Variants in PCDH7 observed in about 807,000 individuals in gnomAD.
PCDH7 encodes protocadherin 7, also known as protocadherin-7.
PCDH7 carries 17 observed loss-of-function variants against 58.9 expected under a neutral mutation model. The ratio of observed to expected loss-of-function variants is 0.29; its 90% CI spans 0.20 to 0.43. The LOEUF (loss-of-function observed/expected upper bound fraction) is 0.43, where lower values mean the gene tolerates loss of function less well. Ranked by LOEUF, PCDH7 falls within the 20% of genes least tolerant of loss-of-function variation. PCDH7 has a pLI of 1.00. For missense variants in PCDH7, 1,274 were observed against 1,441.0 expected (o/e 0.88, Z 1.88); for synonymous variants, 664 against 616.4 (o/e 1.08, Z -1.14).
chr4:31,093,038 GTCTGCATCTATCCACCAATGAATAA>G, intron 3 of PCDH7, among the ~76,000 whole-genome samples: 1 of 152,142 alleles, frequency 6.6e-6, no homozygotes, highest in South Asian at 2.1e-4. Flanking sequence ...AAGAGTGTGC[GTCTGCATCTATCCACCAATGAATAA>G]TGTGCACAGA....
chr4:30,846,741 T>C (rs1368086608), intron 1 of PCDH7, among the ~76,000 whole-genome samples: 1 of 152,144 alleles, frequency 6.6e-6, no homozygotes. Flanking sequence ...AAATATGCAG[T>C]TACATTTTAT....
At chr4:30,739,409 G>C (rs969601022) in intron 1 of PCDH7, among the ~76,000 whole-genome samples, 1 of 148,300 alleles carries the variant, frequency 6.7e-6, no homozygotes, top group Non-Finnish European at 1.5e-5. Context: ...CTTGTTGAGG[G>C]AAATGGCAAT....
Position 31,139,137 on chromosome 4 carries a change from G to C in PCDH7, c.*8-3336G>C, listed in dbSNP as rs145052639. On this transcript the variant is annotated intron_variant, in intron 3 of 3. Coordinates refer to the PCDH7 transcript ENST00000509759. ...CTACAAGTAATGCTAAGCAAGAACA[G>C]GATTTGATGGATACCATTTTTTTAC... 1.2e-3 allele frequency among the ~76,000 whole-genome samples: 179 copies of C among 152,274 alleles called. 1 individual carries two copies. Among genetic ancestry groups the C allele is most frequent in the African/African-American group, 4.1e-3 (170 of 41,568 alleles).
chr4:30,779,670 C>T (rs137873483), intron 1 of PCDH7, among the ~76,000 whole-genome samples: 59 of 152,296 alleles, frequency 3.9e-4, no homozygotes, highest in African/African-American at 1.3e-3. Context: ...TGTCCTATCT[C>T]ACATTTACAA....
chr4:30,875,836 A>AT (rs1297931092), intron 1 of PCDH7, among the ~76,000 whole-genome samples: 7 of 152,248 alleles, frequency 4.6e-5, no homozygotes, highest in Middle Eastern at 6.8e-3. Context: ...GCAAAGATTT[A>AT]TTAAGAAGTC....
chr4:31,064,204 C>A (rs1428165011), intron 3 of PCDH7, among the ~76,000 whole-genome samples: 2 of 152,018 alleles, frequency 1.3e-5, no homozygotes, highest in East Asian at 3.9e-4. Flanking sequence ...TTATTGTTTT[C>A]TATTATTTCA....
Position 30,785,491 on chromosome 4 carries a change from G to T in PCDH7, c.70+60895G>T, listed in dbSNP as rs181975598. ...AAAGCTATTGCTAGAGAAACAAAAA[G>T]ATATTGTTTTTATTTCTAGAAGAAG... On this transcript the variant is annotated intron_variant, in intron 1 of 3. Transcript: ENST00000509759. Among the ~76,000 whole-genome samples, 80 of 152,038 alleles carry T rather than the reference G, an allele frequency of 5.3e-4. 1 individual carries two copies. The highest frequency in any genetic ancestry group is 4.0e-3 in the Admixed American group (61 of 15,256).
chr4:30,730,551 G>C (rs191207681), intron 1 of PCDH7, among the ~76,000 whole-genome samples: 1 of 152,102 alleles, frequency 6.6e-6, no homozygotes, highest in Non-Finnish European at 1.5e-5. Flanking sequence ...AGCTATTAAA[G>C]CTCCCAGGTA....
chr4:30,865,828 A>G (rs1477474916), intron 1 of PCDH7, among the ~76,000 whole-genome samples: 4 of 152,080 alleles, frequency 2.6e-5, no homozygotes, highest in Non-Finnish European at 4.4e-5. Flanking sequence ...AGTATGTTGT[A>G]TGAAAACCAT....
chr4:31,090,604 A>G (rs560477647), intron 3 of PCDH7, among the ~76,000 whole-genome samples: 1 of 152,220 alleles, frequency 6.6e-6, no homozygotes, highest in South Asian at 2.1e-4. Flanking sequence ...GTAAAAAGGT[A>G]ATTCAATCAC....
intron 1 of PCDH7, among the ~76,000 whole-genome samples, chr4:30,839,426 T>C (rs541412890): frequency 6.6e-6 from 1 of 152,252 alleles, no homozygotes; most frequent in East Asian, 1.9e-4. Context: ...TGGAATAGTG[T>C]CTGGCTCATG....
intron 2 of PCDH7, among the ~76,000 whole-genome samples, chr4:30,949,603 A>T (rs1578391999): frequency 6.6e-6 from 1 of 151,948 alleles, no homozygotes; most frequent in Non-Finnish European, 1.5e-5. Flanking sequence ...TGTTAAATTA[A>T]TTTTTTTTAT....
rs1295540987 is a variant in PCDH7 at position 31,083,051 on chromosome 4, T to C, written c.*8-59422T>C. ...TGAACCTGGGAGGTGGAGCTTGCAA[T>C]GAGCGGAGATTGCGCCACTGCACTC... On this transcript the variant is annotated intron_variant, in intron 3 of 3. Transcript: ENST00000509759. Among the ~76,000 whole-genome samples, 3 of 152,260 alleles carry C rather than the reference T, an allele frequency of 2.0e-5. No homozygotes were observed. In the East Asian group the frequency reaches 5.8e-4, roughly 29 times the overall value.
intron 2 of PCDH7, among the ~76,000 whole-genome samples, chr4:30,930,576 A>T (rs1439324911): frequency 1.3e-5 from 2 of 152,162 alleles, no homozygotes; most frequent in Admixed American, 1.3e-4. Context: ...GTTGAAAAGT[A>T]CTGAAATATA....
chr4:31,141,843 G>C (rs1371045999), intron 3 of PCDH7, among the ~76,000 whole-genome samples: 1 of 152,116 alleles, frequency 6.6e-6, no homozygotes, highest in Non-Finnish European at 1.5e-5. Flanking sequence ...ATGTGGGCTA[G>C]GGTGGGCAGG....
chr4:31,132,086 ACTTT>A (rs1223378403), intron 3 of PCDH7, among the ~76,000 whole-genome samples: 11 of 152,144 alleles, frequency 7.2e-5, no homozygotes, highest in Non-Finnish European at 1.6e-4. Flanking sequence ...CTGTAGTGAT[ACTTT>A]CTTTCTTAAG....
At chr4:30,932,953 A>G (rs1296900150) in intron 2 of PCDH7, among the ~76,000 whole-genome samples, 3 of 152,218 alleles carry the variant, frequency 2.0e-5, no homozygotes, top group Non-Finnish European at 4.4e-5. Flanking sequence ...AGGAGAGCCA[A>G]GGAAAATCAG....
chr4:30,937,786 A>G (rs183179851), intron 2 of PCDH7, among the ~76,000 whole-genome samples: 1 of 152,044 alleles, frequency 6.6e-6, no homozygotes. Context: ...TTCTAATATA[A>G]GGGTATTATG....
intron 3 of PCDH7, among the ~76,000 whole-genome samples, chr4:30,989,045 T>A (rs113727328): frequency 3.0e-4 from 46 of 152,332 alleles, no homozygotes; most frequent in Admixed American, 6.5e-4. Context: ...TTGTTGTAGA[T>A]GATTTAGACC....
Sources: allele counts gnomAD v4.1 joint callset (sites outside exome capture counted in the v4.1 genomes callset), GRCh38; gene constraint gnomAD v4.1.1; transcripts MANE v1.5; gene names NCBI Gene and HGNC (gene_info 2026-07-23, HGNC 2026-07-21).